AMY2B: variants seen among roughly 807,000 people sequenced by gnomAD.
AMY2B encodes the protein amylase alpha 2B, also known as alpha-amylase 2B.
Under a neutral mutation model 59.3 loss-of-function variants are expected in AMY2B, and 63 were observed. The ratio of observed to expected loss-of-function variants is 1.06; its 90% CI spans 0.87 to 1.31. The LOEUF (loss-of-function observed/expected upper bound fraction) is 1.31, where lower values mean the gene tolerates loss of function less well. Among genes scored for constraint, AMY2B ranks in the 50% most tolerant of loss-of-function variants. AMY2B has a pLI of 0.00. For synonymous variants in AMY2B, 180 were observed against 198.1 expected (o/e 0.91, Z 0.77); for missense variants, 635 against 626.7 (o/e 1.01, Z -0.14).
intron 1 of AMY2B, chr1:103,561,989 T>C (rs2101062596): frequency 6.6e-6 from 1 of 152,336 alleles, no homozygotes; most frequent in South Asian, 2.1e-4. Flanking sequence ...CAATTTTTTT[T>C]CCAACTGAAG....
At chr1:103,569,935 C>T (rs950613161), upstream of AMY2B, 2 of 469,024 alleles carry the variant, frequency 4.3e-6, no homozygotes, top group Non-Finnish European at 4.2e-6. Flanking sequence ...ATACCTTCAA[C>T]ACCCTGGCCA....
At chr1:103,571,890 G>A (rs1274079449) in intron 1 of AMY2B, 120 bp downstream of exon 1, 2 of 1,590,062 alleles carry the variant, frequency 1.3e-6, no homozygotes, top group South Asian at 1.1e-5. Flanking sequence ...CTAAGTAAGA[G>A]TTTTCTGAGG....
At chr1:103,562,959 G>C (rs1651781533) in intron 1 of AMY2B, among the ~76,000 whole-genome samples, 1 of 151,942 alleles carries the variant, frequency 6.6e-6, no homozygotes, top group Non-Finnish European at 1.5e-5. Flanking sequence ...GAGGGATACT[G>C]AGTTTACACT....
At chr1:103,577,987 A>G in intron 9 of AMY2B, 142 bp downstream of exon 9, 2 of 1,503,466 alleles carry the variant, frequency 1.3e-6, no homozygotes, top group Middle Eastern at 2.5e-4. Context: ...AAAATTGGGC[A>G]GAAGTAAAAA....
At chr1:103,557,115 A>G (rs937352112) in intron 1 of AMY2B, among the ~76,000 whole-genome samples, 1 of 152,002 alleles carries the variant, frequency 6.6e-6, no homozygotes, top group Non-Finnish European at 1.5e-5. Flanking sequence ...GCGTCCATTT[A>G]AAAGCTAATA....
At chr1:103,559,159 C>A (rs768626623) in intron 1 of AMY2B, among the ~76,000 whole-genome samples, 1 of 152,118 alleles carries the variant, frequency 6.6e-6, no homozygotes, top group Non-Finnish European at 1.5e-5. Context: ...AACTTAAAAC[C>A]TTTTGCATGG....
At chr1:103,575,108 A>G in intron 5 of AMY2B, 115 bp from the exon 6 acceptor site, 2 of 1,442,924 alleles carry the variant, frequency 1.4e-6, no homozygotes, top group Non-Finnish European at 1.9e-6. Context: ...CCATTTAATT[A>G]GAGAAAGAAT....
In AMY2B at chr1:103,574,404, A is replaced by G. The variant is rs1180917929; in HGVS notation, c.878+11A>G. 1 of 1,611,018 alleles carries G rather than the reference A, an allele frequency of 6.2e-7. No homozygotes were observed. Among genetic ancestry groups the G allele is most frequent in the Non-Finnish European group, 8.5e-7 (1 of 1,179,596 alleles). ...GATGTCTTACCTAAAGTAAATAAAT[A>G]CAACTTTTCCCCTGAAGTATTTCAT... On this transcript the variant is annotated intron_variant, in intron 5 of 9. Coordinates refer to ENST00000684275, the MANE Select transcript of AMY2B (RefSeq NM_001387437.1).
chr1:103,573,247 A>T lies in AMY2B; in HGVS notation c.500A>T (p.Asn167Ile). The change falls in exon 3 of 10, where the codon AAT becomes ATT. Residue 167 changes from asparagine (N) to isoleucine (I), a missense_variant. Asn to Ile is a moderately radical substitution (Grantham distance 149, BLOSUM62 -3). Coordinates refer to ENST00000684275, the MANE Select transcript of AMY2B (RefSeq NM_001387437.1). ...GGAAGTGGAGATATCGAGAACTACA[A>T]TGATGCTACTCAGGTAAATTTTTTT... ...KTGSGDIENY[N>I]DATQVRDCRL... is the part of the protein sequence containing the mutation. The T allele has an allele frequency of 6.2e-7, 1 of 1,613,622 alleles. No homozygotes were observed. The highest frequency in any genetic ancestry group is 8.5e-7 in the Non-Finnish European group (1 of 1,179,606).
At chr1:103,575,703 AAT>A (rs1652326376) in intron 7 of AMY2B, 163 bp downstream of exon 7, 1 of 1,067,700 alleles carries the variant, frequency 9.4e-7, no homozygotes. Context: ...AAAGGAGTAA[AAT>A]ATATATTTTC....
At chr1:103,564,562 A>G (rs1361668804) in intron 1 of AMY2B, among the ~76,000 whole-genome samples, 2 of 152,112 alleles carry the variant, frequency 1.3e-5, no homozygotes, top group African/African-American at 4.8e-5. Flanking sequence ...CATCATTTAT[A>G]AAGCTTGGTG....
At chr1:103,559,086 A>T (rs1338631589) in intron 1 of AMY2B, among the ~76,000 whole-genome samples, 1 of 152,178 alleles carries the variant, frequency 6.6e-6, no homozygotes, top group Admixed American at 6.5e-5. Context: ...GGGTCCTGGA[A>T]CCAATTCCTC....
intron 9 of AMY2B, among the ~76,000 whole-genome samples, chr1:103,578,125 C>G (rs75811309): frequency 0.14 from 21,215 of 152,032 alleles, 1,817 homozygotes; most frequent in East Asian, 0.24. Flanking sequence ...CTCACCTACA[C>G]ATGCCACAAA....
intron 1 of AMY2B, among the ~76,000 whole-genome samples, chr1:103,557,145 C>CGT (rs1237786213): frequency 6.6e-6 from 1 of 150,494 alleles, no homozygotes; most frequent in Admixed American, 6.6e-5. Context: ...AAAGCGTGCG[C>CGT]GCGCGCACAC....
intron 4 of AMY2B, 137 bp from the exon 5 acceptor site, chr1:103,574,123 A>G: frequency 6.8e-7 from 1 of 1,477,204 alleles, no homozygotes; most frequent in Admixed American, 2.4e-5. Flanking sequence ...AAACAAGACA[A>G]AAAGAAATAA....
intron 1 of AMY2B, chr1:103,555,296 T>C (rs1651514021): frequency 6.6e-6 from 1 of 151,550 alleles, no homozygotes; most frequent in South Asian, 2.1e-4. Flanking sequence ...CATAATATTA[T>C]AAAAAATATA....
In AMY2B at chr1:103,575,264, C is replaced by T; in HGVS notation, c.920C>T (p.Ala307Val). The T allele has an allele frequency of 6.2e-7, 1 of 1,613,610 alleles. No homozygotes were observed. Among genetic ancestry groups the T allele is most frequent in the South Asian group, 1.1e-5 (1 of 91,056 alleles). Residue 307 changes from alanine (A) to valine (V), a missense_variant, in exon 6 of 10, where the codon GCA becomes GTA. Transcript: ENST00000684275. ...TGGGGTTTCATGCCTTCTGACAGAG[C>T]ACTTGTCTTTGTGGATAACCATGAC... ...EGWGFMPSDR[A>V]LVFVDNHDNQ...
chr1:103,575,475 C>T lies in AMY2B; in HGVS notation c.1036C>T (p.His346Tyr), dbSNP rs768148171. 4 of 1,613,700 alleles carry T rather than the reference C, an allele frequency of 2.5e-6. No homozygotes were observed. The highest frequency in any genetic ancestry group is 1.7e-4 in the Middle Eastern group (1 of 6,056). Residue 346 changes from histidine to tyrosine, a missense_variant, in exon 7 of 10, where the codon CAT becomes TAT. His to Tyr is a moderately conservative substitution (Grantham distance 83). Coordinates refer to ENST00000684275, the MANE Select transcript of AMY2B (RefSeq NM_001387437.1). ...YKMAVGFMLA[H>Y]PYGFTRVMSS... is the part of the protein sequence containing the mutation. Reference sequence around the variant, plus strand: ...AATGGCAGTTGGATTTATGCTTGCTCATCCTTATGGTTTTACACGAGTAAT... The same window carrying T: ...AATGGCAGTTGGATTTATGCTTGCTTATCCTTATGGTTTTACACGAGTAAT...
At chr1:103,575,760 T>G in intron 7 of AMY2B, 1 of 578,030 alleles carries the variant, frequency 1.7e-6, no homozygotes, top group Non-Finnish European at 2.7e-6. Context: ...ATGATAAACA[T>G]CCCCCTAGCC....
Sources: gnomAD v4.1 joint callset for allele counts (sites outside exome capture counted in the v4.1 genomes callset) on GRCh38, gnomAD v4.1.1 for gene constraint, MANE v1.5 for transcripts, NCBI Gene and HGNC (gene_info 2026-07-23, HGNC 2026-07-21) for gene names.